Variants in SNTG1 observed in about 807,000 individuals in gnomAD.
SNTG1 encodes the protein syntrophin gamma 1.
A neutral mutation model predicts 74.7 loss-of-function variants in SNTG1; 39 were observed. That is an observed-to-expected ratio of 0.52 (90% CI 0.40 to 0.68). SNTG1 has a LOEUF of 0.68. SNTG1 is among the 30% of genes least tolerant of loss of function. The pLI is 0.00. For synonymous variants in SNTG1, 254 were observed against 217.1 expected (o/e 1.17, Z -1.49); for missense variants, 685 against 609.5 (o/e 1.12, Z -1.30).
intron 17 of SNTG1, among the ~76,000 whole-genome samples, chr8:50,745,515 GA>G (rs1291132622): frequency 1.3e-5 from 2 of 151,896 alleles, no homozygotes; most frequent in African/African-American, 4.8e-5. Flanking sequence ...ACAAAAAGTT[GA>G]ACATAAGTTA....
intron 1 of SNTG1, among the ~76,000 whole-genome samples, chr8:49,983,867 T>A (rs114712548): frequency 6.6e-6 from 1 of 152,248 alleles, no homozygotes; most frequent in Non-Finnish European, 1.5e-5. Flanking sequence ...ATTTTATTCA[T>A]GAGAAAATTC....
intron 1 of SNTG1, among the ~76,000 whole-genome samples, chr8:49,939,579 G>A (rs1808494821): frequency 6.6e-6 from 1 of 152,196 alleles, no homozygotes; most frequent in African/African-American, 2.4e-5. Flanking sequence ...TACAATTACA[G>A]GTTTAGGCCA....
At chr8:50,200,853 C>CT (rs2083960822) in intron 2 of SNTG1, among the ~76,000 whole-genome samples, 2 of 152,106 alleles carry the variant, frequency 1.3e-5, no homozygotes, top group Admixed American at 6.6e-5. Context: ...AAAAAAACCT[C>CT]TAAGTATAAA....
intron 5 of SNTG1, among the ~76,000 whole-genome samples, chr8:50,448,561 T>A (rs1362952356): frequency 6.6e-6 from 1 of 152,218 alleles, no homozygotes; most frequent in Non-Finnish European, 1.5e-5. Context: ...TTTTTATATA[T>A]GACATTTTAT....
At chr8:49,930,052 T>A (rs1484470369) in intron 1 of SNTG1, among the ~76,000 whole-genome samples, 1 of 151,940 alleles carries the variant, frequency 6.6e-6, no homozygotes, top group Non-Finnish European at 1.5e-5. Flanking sequence ...AAGTAATAAT[T>A]TAATTGTTAG....
chr8:49,987,589 T>C (rs1426249830), intron 1 of SNTG1, among the ~76,000 whole-genome samples: 1 of 152,072 alleles, frequency 6.6e-6, no homozygotes, highest in African/African-American at 2.4e-5. Context: ...GCTAACAGCC[T>C]GCTATAATAT....
At chr8:50,146,568 G>A (rs1462939149) in intron 1 of SNTG1, among the ~76,000 whole-genome samples, 1 of 151,942 alleles carries the variant, frequency 6.6e-6, no homozygotes. Context: ...ACAAAACAAA[G>A]TGGGAATTCT....
chr8:50,368,637 C>A (rs1166099214), intron 2 of SNTG1, among the ~76,000 whole-genome samples: 1 of 152,048 alleles, frequency 6.6e-6, no homozygotes, highest in Non-Finnish European at 1.5e-5. Context: ...GGGAGCAGGA[C>A]AGATTAAGGA....
intron 1 of SNTG1, among the ~76,000 whole-genome samples, chr8:49,947,900 G>T (rs1026332305): frequency 6.6e-6 from 1 of 152,150 alleles, no homozygotes; most frequent in Non-Finnish European, 1.5e-5. Context: ...GGAGGCCGAG[G>T]TTGGCAGATC....
At chr8:50,086,704 G>T (rs547410096) in intron 1 of SNTG1, among the ~76,000 whole-genome samples, 1 of 152,208 alleles carries the variant, frequency 6.6e-6, no homozygotes, top group South Asian at 2.1e-4. Context: ...CATAACTAGA[G>T]ACATGGATTT....
At chr8:50,610,440 C>T (rs1344383568) in intron 13 of SNTG1, among the ~76,000 whole-genome samples, 4 of 152,164 alleles carry the variant, frequency 2.6e-5, no homozygotes, top group Non-Finnish European at 5.9e-5. Context: ...TAGCTTCCTA[C>T]TCAGCCAGGT....
intron 2 of SNTG1, among the ~76,000 whole-genome samples, chr8:50,243,326 T>C (rs2086247537): frequency 6.6e-6 from 1 of 152,166 alleles, no homozygotes. Context: ...GATGCAAGTG[T>C]AGGTTTTCTG....
chr8:50,751,994 C>G lies in SNTG1; in HGVS notation c.1285-7C>G. On this transcript the variant is annotated splice_region_variant and splice_polypyrimidine_tract_variant and intron_variant, in intron 17 of 18. Transcript: ENST00000642720. The stretch of plus-strand genomic sequence containing the variant: ...CCGACTTACATTGTTTTTTTTCCCC[C>G]CTTTAGGCTGTCCTTTGGAGGTATA... 1 of 1,516,484 alleles carries G rather than the reference C, an allele frequency of 6.6e-7. No homozygotes were observed. The highest frequency in any genetic ancestry group is 8.8e-7 in the Non-Finnish European group (1 of 1,134,656). The allele number at this position is 1,516,484 out of a possible 1,614,324, so 93.9% of individuals were successfully genotyped here. A position where few individuals can be genotyped will look rare whatever the true frequency, so the allele number is the denominator to read the frequency against.
intron 1 of SNTG1, among the ~76,000 whole-genome samples, chr8:49,975,013 A>G (rs570070373): frequency 6.6e-6 from 1 of 152,216 alleles, no homozygotes; most frequent in Admixed American, 6.5e-5. Flanking sequence ...GGACACGTCC[A>G]TGGAAATGAT....
In SNTG1 at chr8:50,588,084, C is replaced by A. The variant is rs143514193; in HGVS notation, c.811-2795C>A. ...GCAGTGAGCTGAGATTGCACTGCTG[C>A]ACTACAGCCTGGGTGACAGAATGAG... is the stretch of plus-strand genomic sequence containing the variant. On this transcript the variant is annotated intron_variant, in intron 12 of 18. Transcript: ENST00000642720. Among the ~76,000 whole-genome samples the A allele has an allele frequency of 6.8e-3, 1,015 of 148,860 alleles. 11 individuals are homozygous for A. Among genetic ancestry groups the A allele is most frequent in the African/African-American group, 0.023 (921 of 40,244 alleles).
chr8:50,716,631 T>A (rs75867517), intron 17 of SNTG1, among the ~76,000 whole-genome samples: 2,582 of 152,180 alleles, frequency 0.017, 67 homozygotes, highest in African/African-American at 0.059. Flanking sequence ...TTCAAAAAAA[T>A]TTAAACAAAA....
intron 1 of SNTG1, among the ~76,000 whole-genome samples, chr8:49,974,313 C>T (rs1478805161): frequency 3.9e-5 from 6 of 152,292 alleles, no homozygotes; most frequent in Admixed American, 6.5e-5. Flanking sequence ...CTTCCTAGCC[C>T]TCCATGTTGT....
At chr8:50,057,752 GT>G (rs1820146676) in intron 1 of SNTG1, among the ~76,000 whole-genome samples, 1 of 152,076 alleles carries the variant, frequency 6.6e-6, no homozygotes, top group Admixed American at 6.6e-5. Context: ...GTCCATCCCT[GT>G]TTGAGTTGCT....
chr8:50,590,982 A>T (rs185538887), intron 13 of SNTG1, 65 bp downstream of exon 13: 11 of 1,142,640 alleles, frequency 9.6e-6, no homozygotes, highest in Non-Finnish European at 1.2e-5. Flanking sequence ...ATTATAGAAG[A>T]TAACGTTACC....
Sources: gnomAD v4.1 joint callset for allele counts (sites outside exome capture counted in the v4.1 genomes callset) on GRCh38, gnomAD v4.1.1 for gene constraint, MANE v1.5 for transcripts, NCBI Gene and HGNC (gene_info 2026-07-23, HGNC 2026-07-21) for gene names.